TMC1: variants seen among roughly 807,000 people sequenced by gnomAD.
TMC1 encodes the protein transmembrane channel like 1, also known as transmembrane channel-like protein 1.
TMC1 carries 84 observed loss-of-function variants against 105.8 expected under a neutral mutation model. The ratio of observed to expected loss-of-function variants is 0.79; its 90% CI spans 0.67 to 0.95. The LOEUF (loss-of-function observed/expected upper bound fraction) is 0.95. Among genes scored for constraint, TMC1 ranks in the 40% least tolerant of loss-of-function variants. The probability of loss-of-function intolerance (pLI) is 0.00; values close to 1 mark genes in which losing one functional copy is unlikely to be tolerated. For missense variants in TMC1, 817 were observed against 914.1 expected (o/e 0.89, Z 1.37); for synonymous variants, 315 against 311.5 (o/e 1.01, Z -0.12).
chr9:72,551,891 C>T (rs747467967), intron 1 of TMC1, among the ~76,000 whole-genome samples: 2 of 151,950 alleles, frequency 1.3e-5, no homozygotes, highest in Non-Finnish European at 2.9e-5. Context: ...TGTTTACAAG[C>T]CAAGGAATGT....
At chr9:72,555,391 G>C (rs2132074640) in intron 1 of TMC1, among the ~76,000 whole-genome samples, 1 of 151,660 alleles carries the variant, frequency 6.6e-6, no homozygotes, top group Non-Finnish European at 1.5e-5. Flanking sequence ...ATTTCACTGT[G>C]TTAGCCAGGA....
chr9:72,549,368 G>A (rs1232903784), intron 1 of TMC1, among the ~76,000 whole-genome samples: 1 of 152,050 alleles, frequency 6.6e-6, no homozygotes, highest in Non-Finnish European at 1.5e-5. Flanking sequence ...AAAGTGCTGG[G>A]ATTACAGGCA....
chr9:72,672,979 T>TC (rs1826147551), intron 5 of TMC1, among the ~76,000 whole-genome samples: 1 of 152,066 alleles, frequency 6.6e-6, no homozygotes, highest in Non-Finnish European at 1.5e-5. Context: ...TAAATAAATC[T>TC]CAACAGACTT....
At chr9:72,659,749 G>A (rs2132159794) in intron 5 of TMC1, among the ~76,000 whole-genome samples, 1 of 152,326 alleles carries the variant, frequency 6.6e-6, no homozygotes, top group Admixed American at 6.5e-5. Flanking sequence ...AGGGCACATA[G>A]CAGGTTTTAA....
At chr9:72,827,731 A>C (rs1828978677) in intron 21 of TMC1, among the ~76,000 whole-genome samples, 1 of 152,226 alleles carries the variant, frequency 6.6e-6, no homozygotes, top group Admixed American at 6.5e-5. Flanking sequence ...TCTTCCTTTC[A>C]GTCCCTGAGT....
At chr9:72,806,428 G>A (rs915720711) in intron 18 of TMC1, among the ~76,000 whole-genome samples, 3 of 151,208 alleles carry the variant, frequency 2.0e-5, no homozygotes, top group African/African-American at 7.3e-5. Context: ...CCCGGACGGG[G>A]TGGCTGCCGG....
At chr9:72,835,795 A>T (rs932465743) in intron 23 of TMC1, among the ~76,000 whole-genome samples, 156 bp from the exon 24 acceptor site, 1 of 152,076 alleles carries the variant, frequency 6.6e-6, no homozygotes, top group Non-Finnish European at 1.5e-5. Flanking sequence ...GGTAAATATT[A>T]TGGGAAAGTA....
At chr9:72,738,152 A>G (rs985756777) in intron 8 of TMC1, among the ~76,000 whole-genome samples, 11 of 152,166 alleles carry the variant, frequency 7.2e-5, no homozygotes, top group African/African-American at 2.4e-4. Context: ...GGAAGTTACA[A>G]CAAGACAAGA....
At chr9:72,687,294 C>T (rs1419900230) in intron 5 of TMC1, among the ~76,000 whole-genome samples, 1 of 152,184 alleles carries the variant, frequency 6.6e-6, no homozygotes, top group African/African-American at 2.4e-5. Flanking sequence ...TGATAACACC[C>T]TGCTCCAATG....
intron 1 of TMC1, among the ~76,000 whole-genome samples, chr9:72,549,890 A>G (rs893181817): frequency 3.3e-5 from 5 of 151,662 alleles, no homozygotes; most frequent in Admixed American, 3.3e-4. Context: ...GGGATTACAG[A>G]TGTGAGCCAC....
At chr9:72,556,546 T>C (rs967088201) in intron 1 of TMC1, among the ~76,000 whole-genome samples, 1 of 151,236 alleles carries the variant, frequency 6.6e-6, no homozygotes, top group African/African-American at 2.4e-5. Context: ...CAGACGGACA[T>C]AGTGGCTCAT....
At chr9:72,834,364 T>A (rs1421807212) in intron 23 of TMC1, among the ~76,000 whole-genome samples, 1 of 152,106 alleles carries the variant, frequency 6.6e-6, no homozygotes, top group Non-Finnish European at 1.5e-5. Context: ...TCCCCTGCTT[T>A]GTGACCCTCA....
At position 72,681,085 on chromosome 9, in the gene TMC1, T is replaced by C. The variant is rs772360546; in HGVS notation, c.17-7624T>C. On this transcript the variant is annotated intron_variant, in intron 5 of 23. Coordinates refer to ENST00000297784, the MANE Select transcript of TMC1 (RefSeq NM_138691.3). ...GCTAAGAGGTTATAATGCACATTTG[T>C]ATTTTCATCTGGTTGTTATTTTGGT... is the stretch of plus-strand genomic sequence containing the variant. Among the ~76,000 whole-genome samples the C allele has an allele frequency of 7.4e-4, 113 of 152,304 alleles. 1 individual carries two copies. Among genetic ancestry groups the C allele is most frequent in the Admixed American group, 2.0e-3 (30 of 15,288 alleles).
At chr9:72,604,640 C>T (rs531881485) in intron 2 of TMC1, among the ~76,000 whole-genome samples, 5 of 152,266 alleles carry the variant, frequency 3.3e-5, no homozygotes, top group Middle Eastern at 3.4e-3. Flanking sequence ...GTGTTTTTTA[C>T]GGCTATTCTC....
At chr9:72,596,969 G>A (rs998368471) in intron 2 of TMC1, among the ~76,000 whole-genome samples, 3 of 152,172 alleles carry the variant, frequency 2.0e-5, no homozygotes, top group African/African-American at 7.2e-5. Context: ...TGATGGTGTA[G>A]AAGGCACATT....
chr9:72,786,075 G>A (rs1828162703), intron 13 of TMC1, among the ~76,000 whole-genome samples: 1 of 152,140 alleles, frequency 6.6e-6, no homozygotes, highest in African/African-American at 2.4e-5. Flanking sequence ...ACCTCCACAT[G>A]CACCCATGAA....
In TMC1 at chr9:72,683,709, C is replaced by A. The variant is rs1330635235; in HGVS notation, c.17-5000C>A. On this transcript the variant is annotated intron_variant, in intron 5 of 23. Coordinates refer to ENST00000297784, the MANE Select transcript of TMC1 (RefSeq NM_138691.3). ...AATAGTACAGACAGCTGAAGGTGGT[C>A]TGAGTTAACCTGAGTTACACATTTT... Among the ~76,000 whole-genome samples the A allele has an allele frequency of 6.0e-5, 7 of 117,440 alleles. No individual in the cohort carries two copies. In the South Asian group the frequency reaches 8.6e-4, roughly 14 times the overall value. The allele number at this position is 117,440 out of a possible 152,430, so 77.0% of individuals were successfully genotyped here.
intron 7 of TMC1, among the ~76,000 whole-genome samples, chr9:72,700,260 A>AAAAAG (rs989057815): frequency 2.6e-5 from 4 of 151,864 alleles, no homozygotes; most frequent in East Asian, 3.9e-4. Flanking sequence ...TCAAAAAAAA[A>AAAAAG]AAAAGAAAAG....
intron 4 of TMC1, 65 bp from the exon 5 acceptor site, chr9:72,648,532 G>A (rs1825751513): frequency 5.5e-6 from 5 of 905,394 alleles, no homozygotes; most frequent in Non-Finnish European, 9.3e-6. Flanking sequence ...AGCACTTTCA[G>A]TGGCAGGCAG....
Sources: gnomAD v4.1 joint callset for allele counts (sites outside exome capture counted in the v4.1 genomes callset) on GRCh38, gnomAD v4.1.1 for gene constraint, MANE v1.5 for transcripts, NCBI Gene and HGNC (gene_info 2026-07-23, HGNC 2026-07-21) for gene names.